AJAP1: variants seen among roughly 807,000 people sequenced by gnomAD.
The protein encoded by AJAP1 is adherens junctions associated protein 1.
AJAP1 carries 5 observed loss-of-function variants against 35.0 expected under a neutral mutation model. The ratio of observed to expected loss-of-function variants is 0.14; its 90% CI spans 0.07 to 0.30. The LOEUF is 0.30. Among genes scored for constraint, AJAP1 ranks in the 10% least tolerant of loss-of-function variants. AJAP1 has a pLI of 1.00. For synonymous variants in AJAP1, 284 were observed against 249.3 expected (o/e 1.14, Z -1.31); for missense variants, 586 against 571.0 (o/e 1.03, Z -0.27).
chr1:4,697,701 G>A (rs1046653873), intron 1 of AJAP1, among the ~76,000 whole-genome samples: 1 of 152,228 alleles, frequency 6.6e-6, no homozygotes, highest in Non-Finnish European at 1.5e-5. Flanking sequence ...GGTAACATGG[G>A]GAGAGTAGCG....
At chr1:4,688,165 C>T (rs1639650059) in intron 1 of AJAP1, among the ~76,000 whole-genome samples, 1 of 152,112 alleles carries the variant, frequency 6.6e-6, no homozygotes, top group Non-Finnish European at 1.5e-5. Context: ...AGACGGGGGT[C>T]CCTCGGAGCG....
chr1:4,682,806 T>C (rs1329062699), intron 1 of AJAP1, among the ~76,000 whole-genome samples: 3 of 152,118 alleles, frequency 2.0e-5, no homozygotes, highest in South Asian at 2.1e-4. Flanking sequence ...ATGATGATAA[T>C]GATGATAGTG....
intron 1 of AJAP1, among the ~76,000 whole-genome samples, chr1:4,700,023 G>C (rs534777865): frequency 6.6e-6 from 1 of 152,156 alleles, no homozygotes; most frequent in Non-Finnish European, 1.5e-5. Context: ...CTGTGTGATG[G>C]TGCTTGTGTC....
chr1:4,711,213 T>TTAAAGCGATGCCTGTTTACGATATGCA (rs1640224896), intron 1 of AJAP1: 1 of 152,304 alleles, frequency 6.6e-6, no homozygotes, highest in Admixed American at 6.5e-5. Context: ...TGCAGAGCAT[T>TTAAAGCGATGCCTGTTTACGATATGCA]TAAAGCGATG....
intron 2 of AJAP1, among the ~76,000 whole-genome samples, chr1:4,714,869 G>C (rs889772257): frequency 2.0e-5 from 3 of 152,170 alleles, no homozygotes; most frequent in Non-Finnish European, 4.4e-5. Context: ...CCCTAACTGG[G>C]TTCCTCATAG....
rs1167338361 is a variant in AJAP1, at chr1:4,782,742, C to T, written c.*257C>T. 2.5e-6 allele frequency: 1 copy of T among 398,470 alleles called. No individual in the cohort carries two copies. The highest frequency in any genetic ancestry group is 2.1e-5 in the African/African-American group (1 of 48,610). The allele number at this position is 398,470 out of a possible 1,614,324, so 24.7% of individuals were successfully genotyped here. A position where few individuals can be genotyped will look rare whatever the true frequency, so the allele number is the denominator to read the frequency against. ...ATGCCTATGGGTGACTGCCTTCTCC[C>T]AGAGTTTTCTTTGGAGAACAGAAAG... On this transcript the variant is annotated 3_prime_UTR_variant, in exon 6 of 6. Coordinates refer to ENST00000378191, the MANE Select transcript of AJAP1 (RefSeq NM_018836.4). The surrounding 1 kb of genome is among the most constrained non-coding windows in gnomAD (Gnocchi z 5.3).
intron 1 of AJAP1, among the ~76,000 whole-genome samples, chr1:4,688,249 G>A (rs561520051): frequency 9.2e-5 from 14 of 152,310 alleles, no homozygotes; most frequent in African/African-American, 3.1e-4. Context: ...CATGCGGGGG[G>A]AGTGGGGACA....
chr1:4,671,475 G>C (rs576640693), intron 1 of AJAP1, among the ~76,000 whole-genome samples: 28 of 151,724 alleles, frequency 1.8e-4, no homozygotes, highest in African/African-American at 6.0e-4. Context: ...AGCCCACTTA[G>C]AGCCCAGGGC....
In AJAP1 at chr1:4,787,355, G is replaced by C. The variant is rs1164446916; in HGVS notation, c.*4870G>C. 4 of 244,582 alleles carry C rather than the reference G, an allele frequency of 1.6e-5. No individual in the cohort carries two copies. The Admixed American group carries it at 2.2e-4, about 14-fold the overall frequency. The allele number at this position is 244,582 out of a possible 1,614,324, so 15.2% of individuals were successfully genotyped here. On this transcript the variant is annotated 3_prime_UTR_variant, in exon 6 of 6. Transcript: ENST00000378191. ...AGAGAGGGGAAGAGGGAGAGAGTGGGGGGCATTGAAGGGGAAGAAAGAGAG... is the reference window on the plus strand; with the variant it reads ...AGAGAGGGGAAGAGGGAGAGAGTGGCGGGCATTGAAGGGGAAGAAAGAGAG...
chr1:4,757,050 C>T (rs568926556), intron 2 of AJAP1, among the ~76,000 whole-genome samples: 3 of 152,284 alleles, frequency 2.0e-5, no homozygotes, highest in South Asian at 4.1e-4. Context: ...CAGAGGCTCA[C>T]ACATGAGTCG....
chr1:4,745,794 C>T (rs780894942), intron 2 of AJAP1, among the ~76,000 whole-genome samples: 9 of 152,154 alleles, frequency 5.9e-5, no homozygotes, highest in East Asian at 1.9e-4. Context: ...CCAAGGCCAG[C>T]GTCCTGATGT....
intron 1 of AJAP1, among the ~76,000 whole-genome samples, chr1:4,685,596 A>G (rs1222985079): frequency 2.0e-5 from 3 of 152,220 alleles, no homozygotes; most frequent in Non-Finnish European, 4.4e-5. Context: ...CACCCAGCGC[A>G]GTGTCTTGTT....
intron 1 of AJAP1, among the ~76,000 whole-genome samples, chr1:4,709,156 C>G (rs1465537133): frequency 1.4e-5 from 2 of 147,154 alleles, no homozygotes; most frequent in South Asian, 2.1e-4. Context: ...CAATATTTCT[C>G]TAAGTACTGA....
intron 2 of AJAP1, among the ~76,000 whole-genome samples, chr1:4,718,978 G>C (rs1640457553): frequency 6.6e-6 from 1 of 152,146 alleles, no homozygotes; most frequent in South Asian, 2.1e-4. Context: ...GGGGTAGCCG[G>C]CGGCTGCACG....
chr1:4,748,933 A>G (rs1641258844), intron 2 of AJAP1, among the ~76,000 whole-genome samples: 1 of 152,084 alleles, frequency 6.6e-6, no homozygotes, highest in Non-Finnish European at 1.5e-5. Flanking sequence ...TGAACCTTCC[A>G]GCTTCTAGAA....
At chr1:4,688,833 C>T (rs920979056) in intron 1 of AJAP1, among the ~76,000 whole-genome samples, 15 of 150,812 alleles carry the variant, frequency 9.9e-5, no homozygotes, top group Non-Finnish European at 1.0e-4. Flanking sequence ...CTTGCCATGG[C>T]GATGACCCCA....
Position 4,785,417 on chromosome 1 carries a change from C to CT in AJAP1, c.*2938dup, listed in dbSNP as rs1642145227. On this transcript the variant is annotated 3_prime_UTR_variant, in exon 6 of 6. Coordinates refer to ENST00000378191, the MANE Select transcript of AJAP1 (RefSeq NM_018836.4). ...CAGTGTCTGTAGACGTGTTACTTTA[C>CT]TTTTTTAAATGGTTACCTGCTCTCC... The CT allele has an allele frequency of 6.6e-6, 1 of 152,168 alleles. No homozygotes were observed. The highest frequency in any genetic ancestry group is 2.4e-5 in the African/African-American group (1 of 41,428). The allele number at this position is 152,168 out of a possible 1,614,324, so 9.4% of individuals were successfully genotyped here. A position where few individuals can be genotyped will look rare whatever the true frequency, so the allele number is the denominator to read the frequency against.
intron 5 of AJAP1, among the ~76,000 whole-genome samples, chr1:4,779,251 G>A (rs1642014501): frequency 6.6e-6 from 1 of 152,174 alleles, no homozygotes; most frequent in Admixed American, 6.5e-5. Context: ...AAGAGGAAGA[G>A]TGAGGTGGAA....
intron 1 of AJAP1, among the ~76,000 whole-genome samples, chr1:4,676,908 G>C (rs1193758424): frequency 6.6e-6 from 1 of 152,234 alleles, no homozygotes; most frequent in Non-Finnish European, 1.5e-5. Context: ...TGTAATCCCA[G>C]CACTTTGGGA....
Sources: gnomAD v4.1 joint callset for allele counts (sites outside exome capture counted in the v4.1 genomes callset) on GRCh38, gnomAD v4.1.1 for gene constraint, Gnocchi (gnomAD v3.1) non-coding constraint, MANE v1.5 for transcripts, NCBI Gene and HGNC (gene_info 2026-07-23, HGNC 2026-07-21) for gene names.